Variants in COL4A1 observed in about 807,000 individuals in gnomAD.
The protein encoded by COL4A1 is collagen alpha-1(IV) chain.
A neutral mutation model predicts 216.6 loss-of-function variants in COL4A1; 40 were observed. That is an observed-to-expected ratio of 0.18 (90% CI 0.14 to 0.24). The LOEUF (loss-of-function observed/expected upper bound fraction) is 0.24, where lower values mean the gene tolerates loss of function less well. COL4A1 is among the 10% of genes least tolerant of loss of function. The pLI, the probability that COL4A1 is intolerant of heterozygous loss-of-function variation, is 1.00. For synonymous variants in COL4A1, 839 were observed against 810.7 expected (o/e 1.03, Z -0.59); for missense variants, 1,628 against 2,196.8 (o/e 0.74, Z 5.18).
Position 110,181,395 on chromosome 13 carries a change from T to G in COL4A1, c.2096-6A>C. 1 of 1,608,480 alleles carries G rather than the reference T, an allele frequency of 6.2e-7. No homozygotes were observed. Among genetic ancestry groups the G allele is most frequent in the Non-Finnish European group, 8.5e-7 (1 of 1,176,156 alleles). On this transcript the variant is annotated splice_polypyrimidine_tract_variant and splice_region_variant and intron_variant, in intron 28 of 51. Transcript: ENST00000375820. ...TCCAGGTAAGCCGTCAACACCTGTT[T>G]TAAAGAGTCAAAAAAAAAAAACAAA...
chr13:110,221,458 A>G (rs1378040564), intron 2 of COL4A1, among the ~76,000 whole-genome samples: 1 of 152,234 alleles, frequency 6.6e-6, no homozygotes, highest in Admixed American at 6.5e-5. Flanking sequence ...CCCGAAAGCC[A>G]TCCAAAAGCA....
chr13:110,155,089 G>A (rs184238899), intron 50 of COL4A1, among the ~76,000 whole-genome samples, 194 bp downstream of exon 50: 19 of 152,342 alleles, frequency 1.2e-4, no homozygotes, highest in Admixed American at 3.9e-4. Flanking sequence ...GCTGGTGCTG[G>A]AGACCCCTGC....
intron 2 of COL4A1, among the ~76,000 whole-genome samples, chr13:110,230,539 G>A (rs1260453688): frequency 9.4e-5 from 4 of 42,688 alleles, no homozygotes; most frequent in Non-Finnish European, 1.7e-4. Context: ...TAAAGGGGGC[G>A]AGTGAGGTGG....
At chr13:110,193,564 C>T (rs1249419520) in intron 22 of COL4A1, among the ~76,000 whole-genome samples, 1 of 152,234 alleles carries the variant, frequency 6.6e-6, no homozygotes, top group Non-Finnish European at 1.5e-5. Context: ...TTTCTAGGCA[C>T]AAATCAGGCA....
intron 1 of COL4A1, among the ~76,000 whole-genome samples, chr13:110,283,829 T>C (rs1883733326): frequency 1.3e-5 from 2 of 152,144 alleles, no homozygotes; most frequent in African/African-American, 4.8e-5. Flanking sequence ...TTTGGGGGGT[T>C]ATTTTTCATG....
intron 2 of COL4A1, among the ~76,000 whole-genome samples, chr13:110,229,062 C>T (rs1646448183): frequency 1.3e-5 from 2 of 152,020 alleles, no homozygotes; most frequent in South Asian, 2.1e-4. Context: ...AGGATGAAGG[C>T]ACATTGGCTC....
At chr13:110,203,030 T>G (rs1879317857) in intron 18 of COL4A1, among the ~76,000 whole-genome samples, 1 of 152,082 alleles carries the variant, frequency 6.6e-6, no homozygotes, top group Non-Finnish European at 1.5e-5. Context: ...TTGGCCAACA[T>G]AGTCAGGCCC....
intron 1 of COL4A1, among the ~76,000 whole-genome samples, chr13:110,294,817 C>T (rs973214496): frequency 1.3e-5 from 2 of 152,144 alleles, no homozygotes; most frequent in African/African-American, 4.8e-5. Flanking sequence ...TAAATAAATG[C>T]TGAGGGCAGC....
intron 24 of COL4A1, among the ~76,000 whole-genome samples, chr13:110,191,947 C>T (rs1878647965): frequency 6.6e-6 from 1 of 152,212 alleles, no homozygotes; most frequent in Non-Finnish European, 1.5e-5. Flanking sequence ...CATTCAGCCA[C>T]ACCTGAACAC....
At position 110,168,713 on chromosome 13, in the gene COL4A1, T is replaced by C. The variant is rs138177342; in HGVS notation, c.3876+916A>G. Among the ~76,000 whole-genome samples, 148 of 152,348 alleles carry C rather than the reference T, an allele frequency of 9.7e-4. 1 individual carries two copies. The highest frequency in any genetic ancestry group is 3.4e-3 in the African/African-American group (140 of 41,592). ...AAAGCTTTCCCTTTAAGGGAGAACA[T>C]GTGTTGACTTACAGAAGAACCCCGC... On this transcript the variant is annotated intron_variant, in intron 43 of 51. Coordinates refer to ENST00000375820, the MANE Select transcript of COL4A1 (RefSeq NM_001845.6).
At chr13:110,151,986 G>C (rs1012408757) in intron 51 of COL4A1, among the ~76,000 whole-genome samples, 2 of 152,206 alleles carry the variant, frequency 1.3e-5, no homozygotes, top group Non-Finnish European at 1.5e-5. Flanking sequence ...GCATGAAAAT[G>C]AACGCTGCTC....
At chr13:110,169,131 T>G (rs1217302021) in intron 43 of COL4A1, among the ~76,000 whole-genome samples, 1 of 151,922 alleles carries the variant, frequency 6.6e-6, no homozygotes, top group African/African-American at 2.4e-5. Flanking sequence ...AAGTCACCAC[T>G]TAGACTCTGT....
At chr13:110,198,733 AC>A in intron 20 of COL4A1, 102 bp from the exon 21 acceptor site, 1 of 1,486,930 alleles carries the variant, frequency 6.7e-7, no homozygotes, top group Non-Finnish European at 9.3e-7. Context: ...ATCCAACCAG[AC>A]CATCACTGAA....
chr13:110,194,487 C>T (rs1051835615), intron 22 of COL4A1, among the ~76,000 whole-genome samples: 1 of 152,098 alleles, frequency 6.6e-6, no homozygotes, highest in Non-Finnish European at 1.5e-5. Context: ...AAATAAGTGT[C>T]CTGTGCGGGT....
At chr13:110,162,882 T>C (rs1877150447) in intron 47 of COL4A1, among the ~76,000 whole-genome samples, 1 of 152,246 alleles carries the variant, frequency 6.6e-6, no homozygotes. Flanking sequence ...TCTTCCTCCA[T>C]AGCAGCCCAA....
rs564150639 is a variant in COL4A1 at position 110,149,353 on chromosome 13, T to C, written c.*1010A>G. The C allele has an allele frequency of 6.5e-6, 1 of 154,916 alleles. No individual in the cohort carries two copies. Among genetic ancestry groups the C allele is most frequent in the South Asian group, 2.0e-4 (1 of 4,924 alleles). The allele number at this position is 154,916 out of a possible 1,614,324, so 9.6% of individuals were successfully genotyped here. ...TCAAGCCAGGATGCAGAATGAGGAA[T>C]ACTAATGAAATGACGGCCTTTAAGG... On this transcript the variant is annotated 3_prime_UTR_variant, in exon 52 of 52. Coordinates refer to ENST00000375820, the MANE Select transcript of COL4A1 (RefSeq NM_001845.6).
rs1331250438 is a variant in COL4A1, at chr13:110,207,932, C to T, written c.694-443G>A. On this transcript the variant is annotated intron_variant, in intron 12 of 51. Transcript: ENST00000375820. The surrounding 1 kb of genome is among the most constrained non-coding windows in gnomAD (Gnocchi z 4.4). The stretch of plus-strand genomic sequence containing the variant: ...TCGGGCATCCTAACTGCCGGGTACG[C>T]CTAAAAATTACAACTGCATACATTT... 6.6e-6 allele frequency among the ~76,000 whole-genome samples: 1 copy of T among 152,172 alleles called. No individual in the cohort carries two copies. Among genetic ancestry groups the T allele is most frequent in the Non-Finnish European group, 1.5e-5 (1 of 68,026 alleles).
At chr13:110,171,908 C>A (rs1006294884) in intron 41 of COL4A1, among the ~76,000 whole-genome samples, 1 of 152,226 alleles carries the variant, frequency 6.6e-6, no homozygotes, top group African/African-American at 2.4e-5. Flanking sequence ...GCAGCCCACC[C>A]GGCACCAGGC....
chr13:110,248,599 C>T (rs1369156919), intron 1 of COL4A1, among the ~76,000 whole-genome samples: 1 of 151,864 alleles, frequency 6.6e-6, no homozygotes. Context: ...TCAAGCGATT[C>T]TCCTGCCTCA....
Sources: allele counts gnomAD v4.1 joint callset (sites outside exome capture counted in the v4.1 genomes callset), GRCh38; gene constraint gnomAD v4.1.1; non-coding constraint Gnocchi (gnomAD v3.1); transcripts MANE v1.5; gene names NCBI Gene and HGNC (gene_info 2026-07-23, HGNC 2026-07-21).